The following FAM200A variants were observed in gnomAD, a reference collection of about 807,000 sequenced individuals.
FAM200A encodes ZBED8 like.
Under a neutral mutation model 44.2 loss-of-function variants are expected in FAM200A, and 26 were observed. The observed-to-expected ratio is 0.59, with a 90% CI of 0.43 to 0.82. The LOEUF is 0.82. FAM200A is among the 40% of genes least tolerant of loss of function. FAM200A has a pLI of 0.00. For missense variants in FAM200A, 606 were observed against 669.5 expected, an observed-to-expected ratio of 0.91 and a Z score of 1.05; for synonymous variants, 206 against 244.4, an observed-to-expected ratio of 0.84 and a Z score of 1.47.
rs73713510 is a variant in FAM200A, at chr7:99,548,489, A to G, written c.-82T>C. The G allele has an allele frequency of 8.9e-4, 1,360 of 1,527,618 alleles. 15 individuals are homozygous for G. In the African/African-American group the frequency reaches 0.016, roughly 18 times the overall value. The allele number at this position is 1,527,618 out of a possible 1,614,324, so 94.6% of individuals were successfully genotyped here. ...TGTCCTTTGTGACCTAGGTTTTATG[A>G]GATCAGGTTTTGCTATCCTGCAGGG... On this transcript the variant is annotated 5_prime_UTR_variant, in exon 2 of 2. Coordinates refer to ENST00000449309, the MANE Select transcript of FAM200A (RefSeq NM_145111.4).
intron 1 of FAM200A, among the ~76,000 whole-genome samples, chr7:99,557,831 C>A (rs1320565221): frequency 6.6e-6 from 1 of 152,240 alleles, no homozygotes; most frequent in Non-Finnish European, 1.5e-5. Flanking sequence ...GTAGTAACAG[C>A]TGAAGTTCCT....
At position 99,547,312 on chromosome 7, in the gene FAM200A, T is replaced by C; in HGVS notation, c.1096A>G (p.Asn366Asp). The C allele has an allele frequency of 6.4e-7, 1 of 1,550,626 alleles. No homozygotes were observed. Among genetic ancestry groups the C allele is most frequent in the Non-Finnish European group, 8.7e-7 (1 of 1,146,728 alleles). Residue 366 changes from asparagine to aspartate, a missense_variant, in exon 2 of 2, where the codon AAT becomes GAT. Coordinates refer to ENST00000449309, the MANE Select transcript of FAM200A (RefSeq NM_145111.4). The part of the protein sequence containing the change: ...ELSLKMQGKN[N>D]DIFQYLEHIL... Reference sequence around the variant, plus strand: ...TGTTCAAGATACTGAAATATATCATTGTTTTTCCCCTGCATTTTCAGGCTT... The same window carrying C: ...TGTTCAAGATACTGAAATATATCATCGTTTTTCCCCTGCATTTTCAGGCTT...
intron 1 of FAM200A, among the ~76,000 whole-genome samples, chr7:99,550,344 C>T (rs1247208759): frequency 2.6e-5 from 4 of 152,100 alleles, no homozygotes; most frequent in Non-Finnish European, 5.9e-5. Context: ...CTCCTGACCT[C>T]GTGATCCACC....
At chr7:99,552,700 A>G (rs576508723), upstream of FAM200A, among the ~76,000 whole-genome samples, 3 of 152,262 alleles carry the variant, frequency 2.0e-5, no homozygotes, top group East Asian at 5.8e-4. Flanking sequence ...GATCAAGAAT[A>G]ACTTCACCTT....
rs1292037097 is a variant in FAM200A, at chr7:99,548,137, C to A, written c.271G>T (p.Asp91Tyr). ...TCATCAAAAATTGTCCGTACCATGT[C>A]CATACATGCTGGAAGGATAATTTTT... ...AEKIILPACMDMVRTIFDDKS... is the reference protein window; with the variant it reads ...AEKIILPACMYMVRTIFDDKS... Residue 91 changes from aspartate to tyrosine, a missense_variant, in exon 2 of 2, where the codon GAC (aspartate) becomes TAC (tyrosine). Asp to Tyr is a radical substitution (Grantham distance 160). Coordinates refer to ENST00000449309, the MANE Select transcript of FAM200A (RefSeq NM_145111.4). 4.5e-6 allele frequency: 7 copies of A among 1,551,838 alleles called. No individual in the cohort carries two copies. The highest frequency in any genetic ancestry group is 8.7e-7 in the Non-Finnish European group (1 of 1,147,028).
chr7:99,552,494 G>C (rs1802560133), upstream of FAM200A, among the ~76,000 whole-genome samples: 1 of 152,140 alleles, frequency 6.6e-6, no homozygotes, highest in Non-Finnish European at 1.5e-5. Flanking sequence ...TGTACGTATT[G>C]CCAGTTGAAT....
Position 99,547,588 on chromosome 7 carries a change from T to G in FAM200A, c.820A>C (p.Ser274Arg). ...AVKTVNFIKG[S>R]SLNSRLLEIF... ...TCGAGAAGTCGGCTATTCAGTGAGC[T>G]TCCTTTAATAAAATTAACAGTTTTC... Residue 274 changes from serine to arginine, a missense_variant, in exon 2 of 2, where the codon AGC (serine) becomes CGC (arginine). By Grantham distance (110) the Ser-to-Arg change is moderately radical. Transcript: ENST00000449309. 1 of 1,551,504 alleles carries G rather than the reference T, an allele frequency of 6.4e-7. No homozygotes were observed. Among genetic ancestry groups the G allele is most frequent in the African/African-American group, 1.4e-5 (1 of 73,194 alleles).
In FAM200A at chr7:99,546,581, C is replaced by T; in HGVS notation, c.*105G>A. On this transcript the variant is annotated 3_prime_UTR_variant, in exon 2 of 2. Transcript: ENST00000449309. Reference sequence around the variant, plus strand: ...ATGGGGTTTCACCATGTTGGCCAGGCTGGTCTTGAACTCAAGTGATCTGCC... The same window carrying T: ...ATGGGGTTTCACCATGTTGGCCAGGTTGGTCTTGAACTCAAGTGATCTGCC... The T allele has an allele frequency of 1.6e-6, 2 of 1,238,440 alleles. No individual in the cohort carries two copies. The highest frequency in any genetic ancestry group is 2.1e-6 in the Non-Finnish European group (2 of 947,482). The allele number at this position is 1,238,440 out of a possible 1,614,324, so 76.7% of individuals were successfully genotyped here.
chr7:99,554,582 T>G (rs1025035309), upstream of FAM200A, among the ~76,000 whole-genome samples: 2 of 152,040 alleles, frequency 1.3e-5, no homozygotes, highest in Admixed American at 1.3e-4. Flanking sequence ...ATAAGCCTAT[T>G]GCATAAACAA....
intron 1 of FAM200A, among the ~76,000 whole-genome samples, chr7:99,549,235 A>G (rs974297043): frequency 3.3e-5 from 5 of 149,320 alleles, no homozygotes; most frequent in African/African-American, 1.2e-4. Context: ...AAACATGTTC[A>G]TGTTACATAG....
chr7:99,550,786 C>G (rs114437353), intron 1 of FAM200A, among the ~76,000 whole-genome samples: 1 of 152,098 alleles, frequency 6.6e-6, no homozygotes, highest in Non-Finnish European at 1.5e-5. Context: ...CATTTAAAAC[C>G]CTTCCTGGCA....
At chr7:99,557,760 T>C (rs1425569277) in intron 1 of FAM200A, among the ~76,000 whole-genome samples, 2 of 152,248 alleles carry the variant, frequency 1.3e-5, no homozygotes, top group Admixed American at 1.3e-4. Flanking sequence ...TCAGGTTTTC[T>C]TGTGTTTAAT....
upstream of FAM200A, among the ~76,000 whole-genome samples, chr7:99,556,890 G>A (rs143433871): frequency 5.6e-3 from 845 of 152,230 alleles, 6 homozygotes; most frequent in African/African-American, 0.02. Flanking sequence ...ACAAAAATTA[G>A]CTAGGTGTGG....
rs1802383757 is a variant in FAM200A, at chr7:99,546,334, C to T, written c.*352G>A. 1 of 183,432 alleles carries T rather than the reference C, an allele frequency of 5.5e-6. No homozygotes were observed. The highest frequency in any genetic ancestry group is 1.9e-4 in the South Asian group (1 of 5,186). 11.4% of individuals were successfully genotyped at this position (183,432 alleles called of 1,614,324 possible). A position where few individuals can be genotyped will look rare whatever the true frequency, so the allele number is the denominator to read the frequency against. On this transcript the variant is annotated 3_prime_UTR_variant, in exon 2 of 2. Coordinates refer to ENST00000449309, the MANE Select transcript of FAM200A (RefSeq NM_145111.4). ...CAAATATAATTTTATTAACGTTTAA[C>T]TACAACATACTGCAAAATCCCTTTA...
Position 99,548,113 on chromosome 7 carries a change from C to T in FAM200A, c.295G>A (p.Asp99Asn), listed in dbSNP as rs970972613. The T allele has an allele frequency of 1.3e-6, 2 of 1,551,552 alleles. No individual in the cohort carries two copies. The highest frequency in any genetic ancestry group is 2.7e-5 in the African/African-American group (2 of 73,022). The part of the protein sequence containing the change: ...CMDMVRTIFD[D>N]KSADKLRTIP... ...GTTCTTAGTTTATCAGCTGATTTGT[C>T]ATCAAAAATTGTCCGTACCATGTCC... is the stretch of plus-strand genomic sequence containing the variant. Residue 99 changes from aspartate (D) to asparagine (N), a missense_variant, in exon 2 of 2, where the codon GAC (aspartate) becomes AAC (asparagine). Asp to Asn is a conservative substitution (Grantham distance 23). Coordinates refer to ENST00000449309, the MANE Select transcript of FAM200A (RefSeq NM_145111.4).
chr7:99,549,421 A>C (rs1253058592), intron 1 of FAM200A, among the ~76,000 whole-genome samples: 1 of 152,192 alleles, frequency 6.6e-6, no homozygotes, highest in African/African-American at 2.4e-5. Flanking sequence ...GAGGATGTGG[A>C]GAAATAGGAA....
At chr7:99,557,230 C>T (rs974113620) in intron 1 of FAM200A, among the ~76,000 whole-genome samples, 1 of 152,172 alleles carries the variant, frequency 6.6e-6, no homozygotes, top group African/African-American at 2.4e-5. Flanking sequence ...TTGTGGTCCT[C>T]TCACTGGAGC....
Position 99,546,641 on chromosome 7 carries a change from A to AT in FAM200A, c.*44_*45insA. 1 of 1,457,352 alleles carries AT rather than the reference A, an allele frequency of 6.9e-7. No individual in the cohort carries two copies. Among genetic ancestry groups the AT allele is most frequent in the Non-Finnish European group, 9.0e-7 (1 of 1,106,814 alleles). 90.3% of individuals were successfully genotyped at this position (1,457,352 alleles called of 1,614,324 possible). Reference sequence around the variant, plus strand: ...CTCCCACTGCTGGGATTACAGGCGTAAGCCACCACACCTGGCTATACACAG... The same window carrying AT: ...CTCCCACTGCTGGGATTACAGGCGTATAGCCACCACACCTGGCTATACACAG... On this transcript the variant is annotated 3_prime_UTR_variant, in exon 2 of 2. Transcript: ENST00000449309.
Position 99,548,075 on chromosome 7 carries a change from A to G in FAM200A, c.333T>C (p.Ser111=), listed in dbSNP as rs775835473. The part of the protein sequence containing the change: ...SADKLRTIPL[S]DNTISRRICT... Reference sequence around the variant, plus strand: ...AGATTCGACGAGATATTGTATTATCACTAAGAGGTATAGTTCTTAGTTTAT... The same window carrying G: ...AGATTCGACGAGATATTGTATTATCGCTAAGAGGTATAGTTCTTAGTTTAT... The change falls in exon 2 of 2, where the codon AGT becomes AGC. Residue 111 remains serine, a synonymous_variant. Coordinates refer to ENST00000449309, the MANE Select transcript of FAM200A (RefSeq NM_145111.4). The G allele has an allele frequency of 6.4e-7, 1 of 1,551,670 alleles. No individual in the cohort carries two copies. The highest frequency in any genetic ancestry group is 1.2e-5 in the South Asian group (1 of 84,054).
Sources: gnomAD v4.1 joint callset for allele counts (sites outside exome capture counted in the v4.1 genomes callset) on GRCh38, gnomAD v4.1.1 for gene constraint, MANE v1.5 for transcripts, NCBI Gene and HGNC (gene_info 2026-07-23, HGNC 2026-07-21) for gene names.